AGBL4: variants seen among roughly 807,000 people sequenced by gnomAD.
The protein encoded by AGBL4 is AGBL carboxypeptidase 4, also known as cytosolic carboxypeptidase 6.
Under a neutral mutation model 66.4 loss-of-function variants are expected in AGBL4, and 58 were observed. That is an observed-to-expected ratio of 0.87 (90% CI 0.71 to 1.09). AGBL4 has a LOEUF of 1.09. Among genes scored for constraint, AGBL4 ranks in the 50% least tolerant of loss-of-function variants. The pLI is 0.00. For missense variants in AGBL4, 579 were observed against 631.0 expected (o/e 0.92, Z 0.88); for synonymous variants, 234 against 222.9 (o/e 1.05, Z -0.44).
chr1:49,705,924 T>G (rs1385662312), intron 2 of AGBL4, among the ~76,000 whole-genome samples: 2 of 152,200 alleles, frequency 1.3e-5, no homozygotes, highest in Non-Finnish European at 2.9e-5. Flanking sequence ...GGCTTTTCAA[T>G]GTGCTGCTGG....
chr1:48,575,134 A>G (rs1226112881), intron 11 of AGBL4, among the ~76,000 whole-genome samples: 1 of 152,202 alleles, frequency 6.6e-6, no homozygotes, highest in African/African-American at 2.4e-5. Flanking sequence ...GCTCGAGATC[A>G]CAGCAAGTCA....
At chr1:49,155,359 A>G (rs1452208013) in intron 4 of AGBL4, among the ~76,000 whole-genome samples, 3 of 152,186 alleles carry the variant, frequency 2.0e-5, no homozygotes. Context: ...GTAATAGGTA[A>G]GATATATTGA....
intron 3 of AGBL4, among the ~76,000 whole-genome samples, chr1:49,664,811 A>G (rs1437256814): frequency 6.6e-6 from 1 of 152,130 alleles, no homozygotes; most frequent in African/African-American, 2.4e-5. Context: ...TTTGATGCCA[A>G]TATAATACAA....
chr1:49,421,376 G>C (rs1007805535), intron 3 of AGBL4, among the ~76,000 whole-genome samples: 1 of 151,548 alleles, frequency 6.6e-6, no homozygotes, highest in East Asian at 1.9e-4. Flanking sequence ...CAAATGCTAC[G>C]GGGGGCGGGG....
chr1:50,005,331 G>A (rs1007492488), intron 1 of AGBL4, among the ~76,000 whole-genome samples: 1 of 152,164 alleles, frequency 6.6e-6, no homozygotes, highest in African/African-American at 2.4e-5. Flanking sequence ...AGGTAAGAGA[G>A]TAAGAGTTCT....
chr1:48,696,765 A>G (rs1646719908), intron 6 of AGBL4, among the ~76,000 whole-genome samples: 1 of 152,214 alleles, frequency 6.6e-6, no homozygotes, highest in African/African-American at 2.4e-5. Context: ...TATAGAAATT[A>G]CAGCAATGTG....
intron 2 of AGBL4, among the ~76,000 whole-genome samples, chr1:49,717,254 C>G (rs1259229023): frequency 6.6e-6 from 1 of 152,030 alleles, no homozygotes; most frequent in East Asian, 1.9e-4. Flanking sequence ...TAGGAAGAAT[C>G]AATATCGTGA....
chr1:48,690,228 T>C (rs548775790), intron 6 of AGBL4, among the ~76,000 whole-genome samples: 3 of 152,342 alleles, frequency 2.0e-5, no homozygotes, highest in East Asian at 3.9e-4. Context: ...TTAGTTTCAC[T>C]GGACTGGAGG....
At chr1:49,714,652 C>G (rs1179542658) in intron 2 of AGBL4, among the ~76,000 whole-genome samples, 1 of 150,796 alleles carries the variant, frequency 6.6e-6, no homozygotes, top group Non-Finnish European at 1.5e-5. Flanking sequence ...TTACACATCA[C>G]ATTTTCTTTG....
chr1:49,874,797 A>C (rs1646935711), intron 1 of AGBL4, among the ~76,000 whole-genome samples: 1 of 151,956 alleles, frequency 6.6e-6, no homozygotes, highest in Non-Finnish European at 1.5e-5. Context: ...AATTTTTGTT[A>C]TTTCTATTAT....
intron 1 of AGBL4, among the ~76,000 whole-genome samples, chr1:49,896,608 AACACACACACACACACACACAC>A: frequency 7.5e-6 from 1 of 133,800 alleles, no homozygotes; most frequent in Non-Finnish European, 1.6e-5. Flanking sequence ...GACCCATGAA[AACACACACACACACACACACAC>A]ACACACACAC....
At chr1:49,068,347 A>G (rs1190411389) in intron 4 of AGBL4, among the ~76,000 whole-genome samples, 1 of 151,712 alleles carries the variant, frequency 6.6e-6, no homozygotes, top group African/African-American at 2.4e-5. Context: ...CATCATTTAC[A>G]TTAGGTATTT....
chr1:48,984,207 A>G (rs931023508), intron 5 of AGBL4, among the ~76,000 whole-genome samples: 4 of 152,084 alleles, frequency 2.6e-5, no homozygotes, highest in Non-Finnish European at 5.9e-5. Flanking sequence ...CCTGAAGATA[A>G]AGTTTAATCT....
At chr1:49,073,857 C>G (rs1292925435) in intron 4 of AGBL4, among the ~76,000 whole-genome samples, 1 of 152,194 alleles carries the variant, frequency 6.6e-6, no homozygotes, top group Non-Finnish European at 1.5e-5. Flanking sequence ...CCACAGCTGC[C>G]CTTTCCCCCA....
intron 3 of AGBL4, among the ~76,000 whole-genome samples, chr1:49,621,016 G>T (rs1030649502): frequency 2.0e-5 from 3 of 152,084 alleles, no homozygotes; most frequent in Non-Finnish European, 4.4e-5. Context: ...TAGTGCTCTA[G>T]CACCAAAATG....
Position 49,395,733 on chromosome 1 carries a change from G to GTA in AGBL4, c.283-149871_283-149870dup, listed in dbSNP as rs541936185. Among the ~76,000 whole-genome samples the GTA allele has an allele frequency of 2.1e-3, 286 of 136,650 alleles. 2 individuals carry two copies. Among genetic ancestry groups the GTA allele is most frequent in the South Asian group, 8.5e-3 (37 of 4,342 alleles). The allele number at this position is 136,650 out of a possible 152,430, so 89.6% of individuals were successfully genotyped here. A position where few individuals can be genotyped will look rare whatever the true frequency, so the allele number is the denominator to read the frequency against. On this transcript the variant is annotated intron_variant, in intron 3 of 13. Coordinates refer to ENST00000371839, the MANE Select transcript of AGBL4 (RefSeq NM_032785.4). ...ACCAGTCCCTGGTGCCAAAATGTGT[G>GTA]TATATATATATATGTATATATATAT...
chr1:48,681,123 T>C (rs1646448410), intron 6 of AGBL4, among the ~76,000 whole-genome samples: 1 of 152,208 alleles, frequency 6.6e-6, no homozygotes, highest in African/African-American at 2.4e-5. Flanking sequence ...AGAACACCAA[T>C]ACTTTCCTTA....
intron 6 of AGBL4, among the ~76,000 whole-genome samples, chr1:48,726,971 C>T (rs1647315499): frequency 6.6e-6 from 1 of 152,234 alleles, no homozygotes; most frequent in Admixed American, 6.5e-5. Context: ...GCCCAAAGCC[C>T]TTGCCCTTTC....
At chr1:49,904,245 G>T (rs953226537) in intron 1 of AGBL4, among the ~76,000 whole-genome samples, 3 of 152,090 alleles carry the variant, frequency 2.0e-5, no homozygotes. Context: ...ACCTTGAAGG[G>T]TCTTAGAGCT....
Sources: gnomAD v4.1 joint callset for allele counts (sites outside exome capture counted in the v4.1 genomes callset) on GRCh38, gnomAD v4.1.1 for gene constraint, MANE v1.5 for transcripts, NCBI Gene and HGNC (gene_info 2026-07-23, HGNC 2026-07-21) for gene names.